Variants in CTNND2 observed in about 807,000 individuals in gnomAD.
The protein encoded by CTNND2 is catenin delta-2.
Under a neutral mutation model 144.4 loss-of-function variants are expected in CTNND2, and 22 were observed. That is an observed-to-expected ratio of 0.15 (90% CI 0.11 to 0.22). CTNND2 has a LOEUF of 0.22. CTNND2 is among the 10% of genes least tolerant of loss of function. The pLI is 1.00. For missense variants in CTNND2, 1,353 were observed against 1,618.8 expected (o/e 0.84, Z 2.82); for synonymous variants, 751 against 695.6 (o/e 1.08, Z -1.25).
At chr5:11,767,816 C>T (rs1237769465) in intron 1 of CTNND2, among the ~76,000 whole-genome samples, 1 of 152,148 alleles carries the variant, frequency 6.6e-6, no homozygotes, top group Non-Finnish European at 1.5e-5. Context: ...TTGACAGAGC[C>T]TTCATCGCTG....
At chr5:11,461,674 G>C (rs1246797840) in intron 3 of CTNND2, among the ~76,000 whole-genome samples, 4 of 152,134 alleles carry the variant, frequency 2.6e-5, no homozygotes, top group Non-Finnish European at 5.9e-5. Context: ...TTCCAAGCTG[G>C]AATGGATTTT....
At chr5:11,564,633 C>T (rs1347092376) in intron 3 of CTNND2, among the ~76,000 whole-genome samples, 1 of 151,470 alleles carries the variant, frequency 6.6e-6, no homozygotes, top group African/African-American at 2.4e-5. Flanking sequence ...AAAAAAAAGT[C>T]CCAAACTCGG....
intron 11 of CTNND2, among the ~76,000 whole-genome samples, chr5:11,177,277 C>A (rs1760569442): frequency 6.6e-6 from 1 of 152,106 alleles, no homozygotes; most frequent in Non-Finnish European, 1.5e-5. Context: ...CAGGGGAAAT[C>A]CTGGTGCTTT....
chr5:11,874,876 C>A (rs188407817), intron 1 of CTNND2, among the ~76,000 whole-genome samples: 265 of 152,204 alleles, frequency 1.7e-3, no homozygotes, highest in Non-Finnish European at 3.0e-3. Flanking sequence ...CAGGTAAACA[C>A]CATCATTAAT....
At chr5:11,686,483 T>A (rs1784649826) in intron 2 of CTNND2, among the ~76,000 whole-genome samples, 1 of 152,034 alleles carries the variant, frequency 6.6e-6, no homozygotes, top group South Asian at 2.1e-4. Flanking sequence ...ACAATGATAA[T>A]ACTATTTCTA....
At chr5:10,990,490 A>T (rs918732948) in intron 19 of CTNND2, among the ~76,000 whole-genome samples, 1 of 152,096 alleles carries the variant, frequency 6.6e-6, no homozygotes, top group African/African-American at 2.4e-5. Context: ...TCTTCCAGGA[A>T]AGTCTCTCTT....
chr5:11,300,821 C>T (rs1749520672), intron 9 of CTNND2, among the ~76,000 whole-genome samples: 1 of 152,182 alleles, frequency 6.6e-6, no homozygotes, highest in Admixed American at 6.5e-5. Flanking sequence ...CTCCCATCCC[C>T]TCAAGGGTGC....
chr5:11,830,976 G>A (rs182027940), intron 1 of CTNND2, among the ~76,000 whole-genome samples: 2 of 152,304 alleles, frequency 1.3e-5, no homozygotes, highest in African/African-American at 4.8e-5. Flanking sequence ...AGGGTTAAGT[G>A]TAATAAAATA....
chr5:11,903,491 G>A lies in CTNND2; in HGVS notation c.37+326C>T. On this transcript the variant is annotated intron_variant, in intron 1 of 21. Transcript: ENST00000304623. This position sits in a 1 kb window ranked among gnomAD's most constrained non-coding sequence, Gnocchi z 5.4. ...ATGAATGCACCGAGTATGTTCTCAGGGTGGCGGGGAGCAGCATTGTCGGTG... is the reference window on the plus strand; with the variant it reads ...ATGAATGCACCGAGTATGTTCTCAGAGTGGCGGGGAGCAGCATTGTCGGTG... 1.4e-6 allele frequency: 1 copy of A among 719,430 alleles called. No individual in the cohort carries two copies. The highest frequency in any genetic ancestry group is 1.9e-6 in the Non-Finnish European group (1 of 528,156). 44.6% of individuals were successfully genotyped at this position (719,430 alleles called of 1,614,324 possible).
At chr5:11,740,277 T>C (rs1366768358) in intron 1 of CTNND2, among the ~76,000 whole-genome samples, 1 of 152,182 alleles carries the variant, frequency 6.6e-6, no homozygotes, top group Non-Finnish European at 1.5e-5. Context: ...TCACACTACC[T>C]GACTTCAAAC....
intron 10 of CTNND2, among the ~76,000 whole-genome samples, chr5:11,229,221 G>A (rs1364576750): frequency 1.3e-5 from 2 of 152,058 alleles, no homozygotes; most frequent in Non-Finnish European, 2.9e-5. Flanking sequence ...TTTGAAATAA[G>A]GCATGTTTAA....
chr5:11,716,886 T>G (rs1293044170), intron 2 of CTNND2, among the ~76,000 whole-genome samples: 1 of 151,774 alleles, frequency 6.6e-6, no homozygotes, highest in Non-Finnish European at 1.5e-5. Context: ...TTTTGTATTT[T>G]GAGATGGAGT....
intron 16 of CTNND2, among the ~76,000 whole-genome samples, chr5:11,052,997 C>T (rs924149158): frequency 6.6e-6 from 1 of 151,040 alleles, no homozygotes; most frequent in Non-Finnish European, 1.5e-5. Flanking sequence ...GTGGCTAGTT[C>T]AGCTTTAGAT....
At chr5:11,583,977 T>C (rs1470185311) in intron 2 of CTNND2, among the ~76,000 whole-genome samples, 1 of 152,182 alleles carries the variant, frequency 6.6e-6, no homozygotes, top group East Asian at 1.9e-4. Context: ...TCCACCTCTG[T>C]TTTTACGGTT....
intron 2 of CTNND2, among the ~76,000 whole-genome samples, chr5:11,572,955 A>C (rs541562772): frequency 6.6e-6 from 1 of 152,298 alleles, no homozygotes. Flanking sequence ...AGCAGATTTC[A>C]GTCATTATCA....
At chr5:11,313,870 G>A (rs1237902706) in intron 9 of CTNND2, among the ~76,000 whole-genome samples, 5 of 152,126 alleles carry the variant, frequency 3.3e-5, no homozygotes, top group African/African-American at 7.2e-5. Flanking sequence ...AAGCAGGAAC[G>A]TCTTACATGG....
At chr5:11,252,404 T>C (rs1037572789) in intron 9 of CTNND2, among the ~76,000 whole-genome samples, 1 of 152,190 alleles carries the variant, frequency 6.6e-6, no homozygotes, top group Non-Finnish European at 1.5e-5. Flanking sequence ...TCTATGTCTA[T>C]AGACAACTAC....
intron 3 of CTNND2, among the ~76,000 whole-genome samples, chr5:11,445,620 A>C (rs930254657): frequency 1.3e-5 from 2 of 152,188 alleles, no homozygotes; most frequent in African/African-American, 4.8e-5. Flanking sequence ...ATATCCAAAA[A>C]TAAGACTGCA....
chr5:11,233,081 G>A lies in CTNND2; in HGVS notation c.1761+3610C>T, dbSNP rs558533361. Among the ~76,000 whole-genome samples, 97 of 152,196 alleles carry A rather than the reference G, an allele frequency of 6.4e-4. 1 individual carries two copies. The highest frequency in any genetic ancestry group is 1.0e-3 in the Non-Finnish European group (68 of 68,012). ...GAGGCCTCCCCAGCCATGCAGAACC[G>A]TGAGTCCATTAAACCTCTCTTCTTT... On this transcript the variant is annotated intron_variant, in intron 10 of 21. Transcript: ENST00000304623.
Sources: allele counts gnomAD v4.1 joint callset (sites outside exome capture counted in the v4.1 genomes callset), GRCh38; gene constraint gnomAD v4.1.1; non-coding constraint Gnocchi (gnomAD v3.1); transcripts MANE v1.5; gene names NCBI Gene and HGNC (gene_info 2026-07-23, HGNC 2026-07-21).